The following ZNF462 variants were observed in gnomAD, a reference collection of about 807,000 sequenced individuals.
ZNF462 encodes zinc finger PBX1-interacting protein.
In ZNF462, 10 loss-of-function variants were observed where a neutral mutation model predicts 201.9. That is an observed-to-expected ratio of 0.05 (90% CI 0.03 to 0.08). The LOEUF is 0.08. Among genes scored for constraint, ZNF462 ranks in the 10% least tolerant of loss-of-function variants. ZNF462 has a pLI of 1.00. For synonymous variants in ZNF462, 1,227 were observed against 1,193.3 expected (o/e 1.03, Z -0.58); for missense variants, 2,523 against 3,168.3 (o/e 0.80, Z 4.89).
At position 106,974,717 on chromosome 9, in the gene ZNF462, A is replaced by G. The variant is rs1826865149; in HGVS notation, c.6832+444A>G. The G allele has an allele frequency of 8.5e-6, 2 of 234,294 alleles. No individual in the cohort carries two copies. The highest frequency in any genetic ancestry group is 6.8e-5 in the South Asian group (1 of 14,604). The allele number at this position is 234,294 out of a possible 1,614,324, so 14.5% of individuals were successfully genotyped here. A position where few individuals can be genotyped will look rare whatever the true frequency, so the allele number is the denominator to read the frequency against. ...AGCAGAACATGGAACTTCCCTTGAAATGGTTGAAGGGAGAGAGAATTCTTT... is the reference window on the plus strand; with the variant it reads ...AGCAGAACATGGAACTTCCCTTGAAGTGGTTGAAGGGAGAGAGAATTCTTT... On this transcript the variant is annotated intron_variant, in intron 9 of 12. Transcript: ENST00000277225. The surrounding 1 kb of genome is among the most constrained non-coding windows in gnomAD (Gnocchi z 4.0).
rs147301778 is a variant in ZNF462 at position 106,908,056 on chromosome 9, T to C, written c.-30-15298T>C. 1.6e-3 allele frequency among the ~76,000 whole-genome samples: 244 copies of C among 152,188 alleles called. 2 individuals carry two copies. The highest frequency in any genetic ancestry group is 5.6e-3 in the African/African-American group (232 of 41,576). ...ACCTTTATTTCACTGTAAGTAGAAA[T>C]TGTGTACTATTTTTTAAATTTGTAA... is the stretch of plus-strand genomic sequence containing the variant. On this transcript the variant is annotated intron_variant, in intron 1 of 12. Coordinates refer to ENST00000277225, the MANE Select transcript of ZNF462 (RefSeq NM_021224.6).
At chr9:106,952,552 G>C (rs1831398118) in intron 7 of ZNF462, among the ~76,000 whole-genome samples, 1 of 152,130 alleles carries the variant, frequency 6.6e-6, no homozygotes, top group Admixed American at 6.5e-5. Context: ...TTAATCTGGA[G>C]CCTTGTTGAT....
rs1826857290 is a variant in ZNF462, at chr9:106,974,607, A to C, written c.6832+334A>C. The C allele has an allele frequency of 2.8e-6, 1 of 359,574 alleles. No individual in the cohort carries two copies. Among genetic ancestry groups the C allele is most frequent in the South Asian group, 2.7e-5 (1 of 37,308 alleles). The allele number at this position is 359,574 out of a possible 1,614,324, so 22.3% of individuals were successfully genotyped here. A position where few individuals can be genotyped will look rare whatever the true frequency, so the allele number is the denominator to read the frequency against. On this transcript the variant is annotated intron_variant, in intron 9 of 12. Transcript: ENST00000277225. The surrounding 1 kb of genome is among the most constrained non-coding windows in gnomAD (Gnocchi z 4.0). Reference sequence around the variant, plus strand: ...GCATAGAAGGAATGAACAAGAAACAAAATGGGTGGGTGAAAGCAAATGTGA... The same window carrying C: ...GCATAGAAGGAATGAACAAGAAACACAATGGGTGGGTGAAAGCAAATGTGA...
intron 10 of ZNF462, among the ~76,000 whole-genome samples, chr9:106,985,788 G>T (rs1827792411): frequency 6.6e-6 from 1 of 152,168 alleles, no homozygotes; most frequent in Non-Finnish European, 1.5e-5. Flanking sequence ...TCTGTGGGGT[G>T]TTGAGAGAGA....
chr9:106,912,755 A>G (rs1829602851), intron 1 of ZNF462, among the ~76,000 whole-genome samples: 1 of 152,210 alleles, frequency 6.6e-6, no homozygotes, highest in African/African-American at 2.4e-5. Context: ...TCTCCTCTCC[A>G]TTGGACATGA....
chr9:106,992,650 T>G (rs1442559646), intron 10 of ZNF462, among the ~76,000 whole-genome samples: 1 of 152,044 alleles, frequency 6.6e-6, no homozygotes, highest in Non-Finnish European at 1.5e-5. Flanking sequence ...ATGATTCTGT[T>G]TATATGAAAT....
Position 106,927,035 on chromosome 9 carries a change from C to T in ZNF462, c.3123C>T (p.Asn1041=). The T allele has an allele frequency of 6.2e-7, 1 of 1,614,084 alleles. No homozygotes were observed. Among genetic ancestry groups the T allele is most frequent in the South Asian group, 1.1e-5 (1 of 91,048 alleles). The change falls in exon 3 of 13, where the codon AAC becomes AAT. Residue 1041 remains asparagine, a synonymous_variant. Transcript: ENST00000277225. ...DCDVCSFASP[N]MHSVLVHYQK... ...ATGTTTGTTCGTTTGCAAGCCCCAA[C>T]ATGCATTCTGTCTTGGTTCATTATC... is the stretch of plus-strand genomic sequence containing the variant.
chr9:106,937,073 C>T (rs1830661566), intron 6 of ZNF462, among the ~76,000 whole-genome samples: 1 of 152,112 alleles, frequency 6.6e-6, no homozygotes, highest in South Asian at 2.1e-4. Context: ...CTCATCTTGT[C>T]TTTTCTAGAT....
Position 106,935,590 on chromosome 9 carries a change from G to A in ZNF462, c.6204G>A (p.Arg2068=), listed in dbSNP as rs1222006933. The part of the protein sequence containing the change: ...LCSFKSSYNS[R]LKTHILKAHA... ...CCTTCAAGTCCTCCTATAACAGCCG[G>A]CTGAAAACACATATACTCAAAGCTC... The change falls in exon 6 of 13, where the codon CGG becomes CGA. Residue 2068 remains arginine (R), a synonymous_variant. Coordinates refer to ENST00000277225, the MANE Select transcript of ZNF462 (RefSeq NM_021224.6). This position sits in a 1 kb window ranked among gnomAD's most constrained non-coding sequence, Gnocchi z 4.1. 2 of 1,613,952 alleles carry A rather than the reference G, an allele frequency of 1.2e-6. No homozygotes were observed. Among genetic ancestry groups the A allele is most frequent in the Admixed American group, 3.3e-5 (2 of 60,014 alleles).
chr9:106,940,891 A>G (rs1487102659), intron 7 of ZNF462, among the ~76,000 whole-genome samples: 2 of 152,172 alleles, frequency 1.3e-5, no homozygotes, highest in Non-Finnish European at 2.9e-5. Context: ...TTGCAACCAG[A>G]AGGGCAAAAT....
intron 7 of ZNF462, among the ~76,000 whole-genome samples, chr9:106,948,660 A>AAT (rs1259247055): frequency 1.3e-5 from 2 of 149,470 alleles, no homozygotes; most frequent in African/African-American, 5.1e-5. Flanking sequence ...CATTTAGTTT[A>AAT]GTTTTTTTTT....
At position 106,935,846 on chromosome 9, in the gene ZNF462, A is replaced by G. The variant is rs985132786; in HGVS notation, c.6235+225A>G. On this transcript the variant is annotated intron_variant, in intron 6 of 12. Coordinates refer to ENST00000277225, the MANE Select transcript of ZNF462 (RefSeq NM_021224.6). The surrounding 1 kb of genome is among the most constrained non-coding windows in gnomAD (Gnocchi z 4.1). ...AAATAATACAAAGCCTATGTCACCC[A>G]TGTTATGGTTAGTTCGTTCGTCCTA... 2.0e-5 allele frequency among the ~76,000 whole-genome samples: 3 copies of G among 152,234 alleles called. No individual in the cohort carries two copies. Among genetic ancestry groups the G allele is most frequent in the African/African-American group, 7.2e-5 (3 of 41,464 alleles).
Position 107,010,888 on chromosome 9 carries a change from G to C in ZNF462, c.7379G>C (p.Ser2460Thr). The C allele has an allele frequency of 6.2e-7, 1 of 1,613,560 alleles. No homozygotes were observed. Among genetic ancestry groups the C allele is most frequent in the Non-Finnish European group, 8.5e-7 (1 of 1,179,788 alleles). The change falls in exon 13 of 13, where the codon AGT (serine) becomes ACT (threonine). Residue 2460 changes from serine (S) to threonine (T), a missense_variant. By Grantham distance (58) the Ser-to-Thr change is moderately conservative. This residue lies in a region of ZNF462 where 67 missense variants were observed against 63.2 expected (regional missense o/e 1.06). Transcript: ENST00000277225. This position sits in a 1 kb window ranked among gnomAD's most constrained non-coding sequence, Gnocchi z 4.6. ...EIHPKEIMEN[S>T]VKMPSIEEKE... ...CACCCAAAAGAGATCATGGAGAACA[G>C]TGTTAAAATGCCCTCCATAGAGGAA...
rs557709151 is a variant in ZNF462, at chr9:106,902,424, G to T, written c.-30-20930G>T. On this transcript the variant is annotated intron_variant, in intron 1 of 12. Transcript: ENST00000277225. This position sits in a 1 kb window ranked among gnomAD's most constrained non-coding sequence, Gnocchi z 4.2. Reference sequence around the variant, plus strand: ...TTCCTGGTTTTGGTATTAGAGTGCTGCTGGATTCATAGAATGAATTAGGGA... The same window carrying T: ...TTCCTGGTTTTGGTATTAGAGTGCTTCTGGATTCATAGAATGAATTAGGGA... Among the ~76,000 whole-genome samples the T allele has an allele frequency of 3.3e-5, 5 of 152,134 alleles. No individual in the cohort carries two copies. Among genetic ancestry groups the T allele is most frequent in the African/African-American group, 1.2e-4 (5 of 41,516 alleles).
upstream of ZNF462, among the ~76,000 whole-genome samples, chr9:106,862,095 G>T (rs912156782): frequency 6.6e-6 from 1 of 152,006 alleles, no homozygotes; most frequent in Non-Finnish European, 1.5e-5. The surrounding 1 kb of genome is among the most constrained non-coding windows in gnomAD (Gnocchi z 4.2). Context: ...TCCATATCAG[G>T]AAAGAAATAA....
At position 106,928,579 on chromosome 9, in the gene ZNF462, C is replaced by A. The variant is rs1404749517; in HGVS notation, c.4667C>A (p.Ala1556Asp). ...TTTGTGCACGACGTAGAGCAGTCTGCTGACATATCCCAGAATGACGTGGAG... is the reference window on the plus strand; with the variant it reads ...TTTGTGCACGACGTAGAGCAGTCTGATGACATATCCCAGAATGACGTGGAG... ...EDFVHDVEQSADISQNDVEET... is the reference protein window; with the variant it reads ...EDFVHDVEQSDDISQNDVEET... The change falls in exon 3 of 13, where the codon GCT becomes GAT. Residue 1556 changes from alanine (A) to aspartate (D), a missense_variant. This residue lies in a region of ZNF462 where 200 missense variants were observed against 281.3 expected (regional missense o/e 0.71). Transcript: ENST00000277225. This position sits in a 1 kb window ranked among gnomAD's most constrained non-coding sequence, Gnocchi z 9.3. The A allele has an allele frequency of 1.2e-6, 2 of 1,614,080 alleles. No homozygotes were observed. Among genetic ancestry groups the A allele is most frequent in the South Asian group, 1.1e-5 (1 of 91,068 alleles).
Position 106,872,144 on chromosome 9 carries a change from A to G in ZNF462, c.-31+8789A>G, listed in dbSNP as rs886273833. On this transcript the variant is annotated intron_variant, in intron 1 of 12. Transcript: ENST00000277225. The surrounding 1 kb of genome is among the most constrained non-coding windows in gnomAD (Gnocchi z 4.5). ...TCAGCAATTGAGCACCAATCATTCA[A>G]CCCAGATTGCCATGGGCCTGATGGA... Among the ~76,000 whole-genome samples the G allele has an allele frequency of 1.3e-5, 2 of 152,164 alleles. No homozygotes were observed. Among genetic ancestry groups the G allele is most frequent in the Non-Finnish European group, 2.9e-5 (2 of 68,022 alleles).
Position 107,011,242 on chromosome 9 carries a change from C to T in ZNF462, c.*212C>T. On this transcript the variant is annotated 3_prime_UTR_variant, in exon 13 of 13. Transcript: ENST00000277225. The surrounding 1 kb of genome is among the most constrained non-coding windows in gnomAD (Gnocchi z 5.6). ...TGGTTGGAATATGTGGCTCCTTTTC[C>T]ATCACTACATCTTTTCTTCCGGATC... The T allele has an allele frequency of 1.9e-6, 1 of 532,488 alleles. No homozygotes were observed. The highest frequency in any genetic ancestry group is 3.4e-6 in the Non-Finnish European group (1 of 297,386). 33.0% of individuals were successfully genotyped at this position (532,488 alleles called of 1,614,324 possible).
intron 1 of ZNF462, among the ~76,000 whole-genome samples, chr9:106,900,477 C>T (rs568077057): frequency 6.6e-6 from 1 of 152,110 alleles, no homozygotes; most frequent in African/African-American, 2.4e-5. Context: ...CTGTTTTCCA[C>T]AGTGGTTGTA....
Sources: gnomAD v4.1 joint callset for allele counts (sites outside exome capture counted in the v4.1 genomes callset) on GRCh38, gnomAD v4.1.1 for gene constraint, gnomAD v4.1.1 regional missense constraint, Gnocchi (gnomAD v3.1) non-coding constraint, MANE v1.5 for transcripts, NCBI Gene and HGNC (gene_info 2026-07-23, HGNC 2026-07-21) for gene names.